Variants in KNL1 observed in about 807,000 individuals in gnomAD.
The protein encoded by KNL1 is kinetochore scaffold 1.
A neutral mutation model predicts 201.3 loss-of-function variants in KNL1; 66 were observed. That is an observed-to-expected ratio of 0.33 (90% confidence interval 0.27 to 0.40). The LOEUF is 0.40. Among genes scored for constraint, KNL1 ranks in the 10% least tolerant of loss-of-function variants. The probability of loss-of-function intolerance (pLI) is 1.00; values close to 1 mark genes in which losing one functional copy is unlikely to be tolerated. For synonymous variants in KNL1, 895 were observed against 899.2 expected, an observed-to-expected ratio of 1.00 and a Z score of 0.08; for missense variants, 2,815 against 2,690.5, an observed-to-expected ratio of 1.05 and a Z score of -1.02.
chr15:40,622,938 G>A lies in KNL1; in HGVS notation c.2674G>A (p.Asp892Asn), dbSNP rs1892595201. The stretch of plus-strand genomic sequence containing the variant: ...CCATAGACCTTTATTAGAGAAACGT[G>A]ATTGTCATTTGGTGCCATTGGCAGG... ...INHRPLLEKRDCHLVPLAGTS... is the reference protein window; with the variant it reads ...INHRPLLEKRNCHLVPLAGTS... Residue 892 changes from aspartate to asparagine, a missense_variant, in exon 10 of 26, where the codon GAT (aspartate) becomes AAT (asparagine). By Grantham distance (23) the Asp-to-Asn change is conservative (BLOSUM62 1). Around this residue, in one of 3 missense-constraint regions of KNL1, gnomAD observed 2,464 missense variants for 2,291.7 expected, o/e 1.08. Transcript: ENST00000399668. The A allele has an allele frequency of 6.2e-7, 1 of 1,613,254 alleles. No homozygotes were observed. The highest frequency in any genetic ancestry group is 1.1e-5 in the South Asian group (1 of 91,022).
chr15:40,634,928 G>A (rs551357590), intron 13 of KNL1, among the ~76,000 whole-genome samples: 104 of 152,244 alleles, frequency 6.8e-4, no homozygotes, highest in African/African-American at 2.5e-3. Flanking sequence ...CTATCAAAAT[G>A]GAAAGAGTTC....
chr15:40,656,408 G>A (rs1041882264), intron 22 of KNL1, among the ~76,000 whole-genome samples: 3 of 152,036 alleles, frequency 2.0e-5, no homozygotes, highest in Admixed American at 6.6e-5. Flanking sequence ...ACTCCAGCCT[G>A]GGCAATAGAG....
chr15:40,594,968 C>T (rs1467585501), intron 1 of KNL1, among the ~76,000 whole-genome samples: 1 of 152,188 alleles, frequency 6.6e-6, no homozygotes, highest in Non-Finnish European at 1.5e-5. Flanking sequence ...TTTAAAAATC[C>T]TCTTCTGTTC....
At chr15:40,636,218 T>C (rs1893052323) in intron 13 of KNL1, among the ~76,000 whole-genome samples, 1 of 152,214 alleles carries the variant, frequency 6.6e-6, no homozygotes, top group African/African-American at 2.4e-5. Flanking sequence ...CACTACTTAA[T>C]CATAGTAAGT....
intron 21 of KNL1, among the ~76,000 whole-genome samples, chr15:40,653,883 C>G (rs1273029180): frequency 6.6e-6 from 1 of 152,108 alleles, no homozygotes. Flanking sequence ...TTTTCCCCCA[C>G]TTCACTAATG....
intron 13 of KNL1, among the ~76,000 whole-genome samples, chr15:40,638,262 GA>G (rs1567016588): frequency 3.7e-5 from 4 of 108,234 alleles, no homozygotes; most frequent in Admixed American, 1.1e-4. Context: ...GGGGGAGGGG[GA>G]GGGGGAAGGA....
Position 40,629,265 on chromosome 15 carries a change from T to C in KNL1, c.5584-8T>C, listed in dbSNP as rs1892835201. 1 of 1,557,234 alleles carries C rather than the reference T, an allele frequency of 6.4e-7. No homozygotes were observed. ...AATGGTCATGCAAACTTTTTTTTCT[T>C]TTCTCAGAAACTCCAAGATGGGAGA... On this transcript the variant is annotated splice_polypyrimidine_tract_variant and splice_region_variant and intron_variant, in intron 12 of 25. Coordinates refer to ENST00000399668, the MANE Select transcript of KNL1 (RefSeq NM_144508.5).
chr15:40,620,693 C>A lies in KNL1; in HGVS notation c.429C>A (p.Val143=). ...GGAAACATGCAAATGACCAGACAGT[C>A]ATTTTTTCAGATGAAAACCAGATGG... is the stretch of plus-strand genomic sequence containing the variant. ...RERKHANDQT[V]IFSDENQMDL... is the part of the protein sequence containing the mutation. The change falls in exon 10 of 26, where the codon GTC becomes GTA. Residue 143 remains valine, a synonymous_variant. Coordinates refer to ENST00000399668, the MANE Select transcript of KNL1 (RefSeq NM_144508.5). 6.2e-7 allele frequency: 1 copy of A among 1,602,756 alleles called. No individual in the cohort carries two copies. Among genetic ancestry groups the A allele is most frequent in the South Asian group, 1.1e-5 (1 of 89,436 alleles).
chr15:40,636,506 C>A (rs751427385), intron 13 of KNL1, among the ~76,000 whole-genome samples: 1 of 152,010 alleles, frequency 6.6e-6, no homozygotes, highest in Admixed American at 6.6e-5. Context: ...TTATTAACCC[C>A]CTGTGTGTCT....
chr15:40,626,327 C>CTTTT (rs540280443), intron 10 of KNL1, among the ~76,000 whole-genome samples: 6 of 135,356 alleles, frequency 4.4e-5, no homozygotes, highest in African/African-American at 1.6e-4. Context: ...TAATTTCTTT[C>CTTTT]TTTTTTTTTT....
chr15:40,620,955 C>T lies in KNL1; in HGVS notation c.691C>T (p.Pro231Ser), dbSNP rs779423561. Residue 231 changes from proline to serine, a missense_variant, in exon 10 of 26, where the codon CCT becomes TCT. Coordinates refer to ENST00000399668, the MANE Select transcript of KNL1 (RefSeq NM_144508.5). Reference protein sequence around the residue: ...RLKTGKCSAFPDVPDKENFEI... With the variant: ...RLKTGKCSAFSDVPDKENFEI... Reference sequence around the variant, plus strand: ...GAAAACAGGAAAATGTAGTGCTTTTCCTGATGTGCCTGATAAAGAAAATTT... The same window carrying T: ...GAAAACAGGAAAATGTAGTGCTTTTTCTGATGTGCCTGATAAAGAAAATTT... The T allele has an allele frequency of 6.2e-7, 1 of 1,605,904 alleles. No individual in the cohort carries two copies. The highest frequency in any genetic ancestry group is 1.8e-5 in the Admixed American group (1 of 57,094).
Position 40,647,048 on chromosome 15 carries a change from A to G in KNL1, c.6068A>G (p.Asp2023Gly), listed in dbSNP as rs766406734. The G allele has an allele frequency of 9.8e-6, 15 of 1,536,244 alleles. No individual in the cohort carries two copies. The Admixed American group carries it at 2.0e-4, about 21-fold the overall frequency. ...ATGGATAAAATACTTAAGAAGATCG[A>G]TAACTGCCTCACTGAGATGGAAACA... Reference protein sequence around the residue: ...DEMDKILKKIDNCLTEMETET... With the variant: ...DEMDKILKKIGNCLTEMETET... Residue 2023 changes from aspartate (D) to glycine (G), a missense_variant, in exon 17 of 26, where the codon GAT (aspartate) becomes GGT (glycine). Asp to Gly is a moderately conservative substitution (Grantham distance 94). This residue lies in a region of KNL1 where 334 missense variants were observed against 362.6 expected (regional missense o/e 0.92). Coordinates refer to ENST00000399668, the MANE Select transcript of KNL1 (RefSeq NM_144508.5).
chr15:40,659,826 G>C (rs936884363), intron 25 of KNL1, among the ~76,000 whole-genome samples: 1 of 151,692 alleles, frequency 6.6e-6, no homozygotes, highest in East Asian at 1.9e-4. Context: ...TCCTCAAAGT[G>C]GTCAGCAAAT....
chr15:40,620,926 G>T lies in KNL1; in HGVS notation c.662G>T (p.Arg221Ile). The T allele has an allele frequency of 6.2e-7, 1 of 1,602,060 alleles. No individual in the cohort carries two copies. The change falls in exon 10 of 26, where the codon AGA becomes ATA. Residue 221 changes from arginine (R) to isoleucine (I), a missense_variant. Physicochemically the swap from Arg to Ile is moderately conservative, Grantham distance 97 (BLOSUM62 -3). Around this residue, in one of 3 missense-constraint regions of KNL1, gnomAD observed 2,464 missense variants for 2,291.7 expected, o/e 1.08. Transcript: ENST00000399668. ...ATAGATTTCAATGACTTCATAAAAAGATTGAAAACAGGAAAATGTAGTGCT... is the reference window on the plus strand; with the variant it reads ...ATAGATTTCAATGACTTCATAAAAATATTGAAAACAGGAAAATGTAGTGCT... ...NKIDFNDFIK[R>I]LKTGKCSAFP... is the part of the protein sequence containing the mutation.
rs1361556586 is a variant in KNL1, at chr15:40,651,531, A to G, written c.6273A>G (p.Gln2091=). 4 of 1,610,010 alleles carry G rather than the reference A, an allele frequency of 2.5e-6. No individual in the cohort carries two copies. Among genetic ancestry groups the G allele is most frequent in the East Asian group, 2.2e-5 (1 of 44,664 alleles). Residue 2091 remains glutamine (Q), a synonymous_variant, in exon 20 of 26, where the codon CAA becomes CAG. Transcript: ENST00000399668. ...EQTLAQIDFM[Q]KQRNRTEELL... is the part of the protein sequence containing the mutation. ...CCCTTGCTCAAATAGACTTTATGCA[A>G]AAACAAAGAAATAGAACTGAAGAGC...
chr15:40,663,600 A>G lies in KNL1; in HGVS notation c.*1412A>G, dbSNP rs1014438427. On this transcript the variant is annotated 3_prime_UTR_variant, in exon 26 of 26. Transcript: ENST00000399668. Reference sequence around the variant, plus strand: ...TGACACGTCAAACAATGTCACATCCAAAACACTAGTTTCATCAATTTCTAG... The same window carrying G: ...TGACACGTCAAACAATGTCACATCCGAAACACTAGTTTCATCAATTTCTAG... 5.2e-6 allele frequency: 1 copy of G among 192,250 alleles called. No homozygotes were observed. The highest frequency in any genetic ancestry group is 1.1e-5 in the Non-Finnish European group (1 of 92,002). 11.9% of individuals were successfully genotyped at this position (192,250 alleles called of 1,614,324 possible). A position where few individuals can be genotyped will look rare whatever the true frequency, so the allele number is the denominator to read the frequency against.
intron 10 of KNL1, among the ~76,000 whole-genome samples, chr15:40,626,327 C>CTTTTTTTTT (rs540280443): frequency 7.4e-6 from 1 of 135,352 alleles, no homozygotes; most frequent in Non-Finnish European, 1.6e-5. Context: ...TAATTTCTTT[C>CTTTTTTTTT]TTTTTTTTTT....
chr15:40,662,098 A>C lies in KNL1; in HGVS notation c.6861A>C (p.Leu2287=). ...NTSQDDIATI[L]SKVPLENNYL... ...GCCAAGATGATATTGCTACCATTCT[A>C]TCTAAAGTGCCACTGGAGAACAACT... Residue 2287 remains leucine (L), a synonymous_variant, in exon 26 of 26, where the codon CTA becomes CTC. Coordinates refer to ENST00000399668, the MANE Select transcript of KNL1 (RefSeq NM_144508.5). 1 of 1,607,182 alleles carries C rather than the reference A, an allele frequency of 6.2e-7. No individual in the cohort carries two copies. Among genetic ancestry groups the C allele is most frequent in the Non-Finnish European group, 8.5e-7 (1 of 1,173,696 alleles).
At chr15:40,651,418 G>T in intron 19 of KNL1, 53 bp from the exon 20 acceptor site, 1 of 1,217,108 alleles carries the variant, frequency 8.2e-7, no homozygotes, top group Non-Finnish European at 1.2e-6. Context: ...TATTGATAGA[G>T]TGAATTCTCT....
Sources: allele counts gnomAD v4.1 joint callset (sites outside exome capture counted in the v4.1 genomes callset), GRCh38; gene constraint gnomAD v4.1.1; regional missense constraint gnomAD v4.1.1; transcripts MANE v1.5; gene names NCBI Gene and HGNC (gene_info 2026-07-23, HGNC 2026-07-21).